The following TBL1XR1 variants were observed in gnomAD, a reference collection of about 807,000 sequenced individuals.
TBL1XR1 encodes the protein F-box-like/WD repeat-containing protein TBL1XR1.
In TBL1XR1, 5 loss-of-function variants were observed where a neutral mutation model predicts 66.9. The ratio of observed to expected loss-of-function variants is 0.07; its 90% CI spans 0.04 to 0.16. TBL1XR1 has a LOEUF of 0.16. Among genes scored for constraint, TBL1XR1 ranks in the 10% least tolerant of loss-of-function variants. The pLI is 1.00. For missense variants in TBL1XR1, 238 were observed against 623.2 expected, an observed-to-expected ratio of 0.38 and a Z score of 6.58; for synonymous variants, 210 against 206.0, an observed-to-expected ratio of 1.02 and a Z score of -0.17.
At chr3:177,042,533 T>C (rs895484945) in intron 10 of TBL1XR1, among the ~76,000 whole-genome samples, 23 of 152,212 alleles carry the variant, frequency 1.5e-4, no homozygotes, top group African/African-American at 5.3e-4. Context: ...GTGATATGCC[T>C]GCCTCATAAA....
chr3:177,029,409 T>C (rs1365507260), intron 14 of TBL1XR1, among the ~76,000 whole-genome samples: 1 of 152,090 alleles, frequency 6.6e-6, no homozygotes, highest in Non-Finnish European at 1.5e-5. Context: ...CCCTTGAGCC[T>C]AGGGGGTTGA....
At chr3:177,194,448 T>C (rs1394815428) in intron 1 of TBL1XR1, among the ~76,000 whole-genome samples, 1 of 151,154 alleles carries the variant, frequency 6.6e-6, no homozygotes, top group Non-Finnish European at 1.5e-5. Context: ...TTCTTTATTC[T>C]TTTTATATAA....
Position 177,129,116 on chromosome 3 carries a change from GA to G in TBL1XR1, c.-121-30576del, listed in dbSNP as rs202187754. ...TGCTCAAAAGACAGTAGGCCCACAG[GA>G]AAAAAACAAGTAATTGAGAAAAAAG... On this transcript the variant is annotated intron_variant, in intron 1 of 15. Coordinates refer to ENST00000457928, the MANE Select transcript of TBL1XR1 (RefSeq NM_024665.7). Among the ~76,000 whole-genome samples the G allele has an allele frequency of 6.4e-3, 969 of 151,806 alleles. 5 individuals carry two copies. Among genetic ancestry groups the G allele is most frequent in the Middle Eastern group, 0.024 (7 of 294 alleles).
At chr3:177,129,031 G>A (rs754033258) in intron 1 of TBL1XR1, among the ~76,000 whole-genome samples, 11 of 152,092 alleles carry the variant, frequency 7.2e-5, no homozygotes, top group Non-Finnish European at 1.5e-4. Flanking sequence ...GTCATTTTTA[G>A]AGGTGGTTTT....
intron 1 of TBL1XR1, among the ~76,000 whole-genome samples, chr3:177,143,779 T>TCTC (rs1170716413): frequency 1.3e-5 from 2 of 152,192 alleles, no homozygotes; most frequent in Non-Finnish European, 2.9e-5. Context: ...TCTCTGATAG[T>TCTC]TCATTCAGGC....
chr3:177,102,861 C>A (rs1240233868), intron 1 of TBL1XR1, among the ~76,000 whole-genome samples: 1 of 152,172 alleles, frequency 6.6e-6, no homozygotes, highest in Non-Finnish European at 1.5e-5. Context: ...AGAAATGAGC[C>A]CCAGCTTAAC....
chr3:177,043,242 A>G (rs1224028830), intron 10 of TBL1XR1, among the ~76,000 whole-genome samples: 1 of 152,190 alleles, frequency 6.6e-6, no homozygotes, highest in Non-Finnish European at 1.5e-5. Context: ...TCCATCAATT[A>G]TTGAGAGAAG....
intron 1 of TBL1XR1, among the ~76,000 whole-genome samples, chr3:177,194,945 T>C (rs910246069): frequency 7.7e-6 from 1 of 129,882 alleles, no homozygotes; most frequent in African/African-American, 2.8e-5. Flanking sequence ...CCAAAGCTGG[T>C]ATACGTTAAA....
intron 2 of TBL1XR1, among the ~76,000 whole-genome samples, chr3:177,082,751 T>TATGA (rs1721582207): frequency 8.4e-6 from 1 of 118,466 alleles, no homozygotes; most frequent in African/African-American, 3.1e-5. Flanking sequence ...TATATATATA[T>TATGA]ATATATATAT....
intron 2 of TBL1XR1, among the ~76,000 whole-genome samples, chr3:177,077,409 G>A (rs1365827316): frequency 6.6e-6 from 1 of 152,068 alleles, no homozygotes; most frequent in Non-Finnish European, 1.5e-5. Flanking sequence ...AGGGGCTTTT[G>A]GTGAGATGGA....
At chr3:177,085,516 T>C (rs544064657) in intron 2 of TBL1XR1, among the ~76,000 whole-genome samples, 1 of 152,238 alleles carries the variant, frequency 6.6e-6, no homozygotes, top group East Asian at 1.9e-4. Context: ...ATGATCCAGG[T>C]GTCAGAATTC....
At chr3:177,156,372 G>A (rs553920578) in intron 1 of TBL1XR1, among the ~76,000 whole-genome samples, 129 of 151,334 alleles carry the variant, frequency 8.5e-4, no homozygotes, top group African/African-American at 2.9e-3. Flanking sequence ...GGTGGCGGGC[G>A]CCTGTAATCC....
In TBL1XR1 at chr3:177,197,181, C is replaced by T. The variant is rs1736977276; in HGVS notation, c.-182G>A. ...CCGGGAATGGAGGCACAAGGAAATT[C>T]CCCTCCTCGCCGCCGCCGCCACCGC... On this transcript the variant is annotated 5_prime_UTR_variant, in exon 1 of 16. Transcript: ENST00000457928. 1 of 154,124 alleles carries T rather than the reference C, an allele frequency of 6.5e-6. No individual in the cohort carries two copies. Among genetic ancestry groups the T allele is most frequent in the Non-Finnish European group, 1.4e-5 (1 of 69,340 alleles). The allele number at this position is 154,124 out of a possible 1,614,324, so 9.5% of individuals were successfully genotyped here. A position where few individuals can be genotyped will look rare whatever the true frequency, so the allele number is the denominator to read the frequency against.
intron 1 of TBL1XR1, among the ~76,000 whole-genome samples, chr3:177,102,492 A>C (rs1056289694): frequency 6.6e-6 from 1 of 152,242 alleles, no homozygotes; most frequent in African/African-American, 2.4e-5. Context: ...TAAACATCTG[A>C]ATTTTAAAAG....
chr3:177,146,380 G>A lies in TBL1XR1; in HGVS notation c.-121-47839C>T, dbSNP rs183156708. 4.4e-3 allele frequency among the ~76,000 whole-genome samples: 661 copies of A among 151,250 alleles called. 5 individuals carry two copies. The highest frequency in any genetic ancestry group is 0.015 in the African/African-American group (617 of 41,228). The stretch of plus-strand genomic sequence containing the variant: ...CGGCTCACTGCAACCTTTGCCTCCC[G>A]GGTTCAAGTGATTCTCCTGCCTCAG... On this transcript the variant is annotated intron_variant, in intron 1 of 15. Coordinates refer to ENST00000457928, the MANE Select transcript of TBL1XR1 (RefSeq NM_024665.7).
intron 1 of TBL1XR1, among the ~76,000 whole-genome samples, chr3:177,152,279 T>C (rs1291029925): frequency 1.3e-5 from 2 of 152,132 alleles, no homozygotes; most frequent in Non-Finnish European, 2.9e-5. Flanking sequence ...AGATCTATCT[T>C]CTCATTAATT....
At chr3:177,046,750 GAGTGAACTAGCTTCTCTCC>G (rs1158600502) in intron 9 of TBL1XR1, among the ~76,000 whole-genome samples, 2 of 152,056 alleles carry the variant, frequency 1.3e-5, no homozygotes, top group Non-Finnish European at 2.9e-5. Context: ...ATTTTATAAA[GAGTGAACTAGCTTCTCTCC>G]ACTTCCCTGT....
chr3:177,048,332 T>C (rs55896586), intron 7 of TBL1XR1, among the ~76,000 whole-genome samples: 34 of 152,342 alleles, frequency 2.2e-4, no homozygotes, highest in Non-Finnish European at 4.3e-4. Context: ...GTAAACAGAC[T>C]ATTGCTAGAA....
chr3:177,128,526 A>AC (rs747259598), intron 1 of TBL1XR1, among the ~76,000 whole-genome samples: 5 of 152,086 alleles, frequency 3.3e-5, no homozygotes, highest in Non-Finnish European at 7.4e-5. Context: ...GATGCATCCC[A>AC]CCACGCCTGG....
Sources: allele counts gnomAD v4.1 joint callset (sites outside exome capture counted in the v4.1 genomes callset), GRCh38; gene constraint gnomAD v4.1.1; transcripts MANE v1.5; gene names NCBI Gene and HGNC (gene_info 2026-07-23, HGNC 2026-07-21).